The following SERINC5 variants were observed in gnomAD, a reference collection of about 807,000 sequenced individuals.
The protein encoded by SERINC5 is chromosome 5 open reading frame 12.
SERINC5 carries 41 observed loss-of-function variants against 63.1 expected under a neutral mutation model. The ratio of observed to expected loss-of-function variants is 0.65; its 90% CI spans 0.51 to 0.84. The LOEUF (loss-of-function observed/expected upper bound fraction) is 0.84, where lower values mean the gene tolerates loss of function less well. Among genes scored for constraint, SERINC5 ranks in the 40% least tolerant of loss-of-function variants. The pLI, the probability that SERINC5 is intolerant of heterozygous loss-of-function variation, is 0.00. For missense variants in SERINC5, 523 were observed against 573.0 expected (o/e 0.91, Z 0.89); for synonymous variants, 222 against 215.2 (o/e 1.03, Z -0.28).
intron 1 of SERINC5, among the ~76,000 whole-genome samples, chr5:80,255,646 A>G (rs1461385204): frequency 6.6e-6 from 1 of 152,086 alleles, no homozygotes; most frequent in Non-Finnish European, 1.5e-5. Context: ...GCCCCGCTCC[A>G]CGCGGAGTCC....
chr5:80,177,950 T>C lies in SERINC5; in HGVS notation c.310A>G (p.Ile104Val), dbSNP rs774055274. The part of the protein sequence containing the change: ...VCFGMACFFF[I>V]FCLLTLKINN... ...ATTTTCAAGGTCAGTAGACAGAAGATAAAGAAGAAACAAGCCATTCCAAAA... is the reference window on the plus strand; with the variant it reads ...ATTTTCAAGGTCAGTAGACAGAAGACAAAGAAGAAACAAGCCATTCCAAAA... Residue 104 changes from isoleucine to valine, a missense_variant, in exon 3 of 12, where the codon ATC becomes GTC. Transcript: ENST00000507668. The C allele has an allele frequency of 1.9e-6, 3 of 1,610,936 alleles. No homozygotes were observed. Among genetic ancestry groups the C allele is most frequent in the Non-Finnish European group, 2.5e-6 (3 of 1,178,760 alleles).
In SERINC5 at chr5:80,216,471, T is replaced by C. The variant is rs556537099; in HGVS notation, c.28-13418A>G. 7.2e-5 allele frequency among the ~76,000 whole-genome samples: 11 copies of C among 152,252 alleles called. No individual in the cohort carries two copies. The East Asian group carries it at 2.1e-3, about 30-fold the overall frequency. On this transcript the variant is annotated intron_variant, in intron 1 of 11. Coordinates refer to ENST00000507668, the MANE Select transcript of SERINC5 (RefSeq NM_001174072.3). ...GGCAACTTATGTGTGTGAGAAAACT[T>C]GTTGGAAAGCTAAAGCCGTCTTTAC... is the stretch of plus-strand genomic sequence containing the variant.
chr5:80,156,457 T>C (rs1746523512), intron 8 of SERINC5, among the ~76,000 whole-genome samples: 1 of 152,082 alleles, frequency 6.6e-6, no homozygotes. Flanking sequence ...CAAACATCAA[T>C]CACATGGACC....
At chr5:80,233,805 C>CCTT (rs1554071351) in intron 1 of SERINC5, among the ~76,000 whole-genome samples, 997 of 69,930 alleles carry the variant, frequency 0.014, 42 homozygotes, top group Middle Eastern at 0.074. Flanking sequence ...TCAACTTTTA[C>CCTT]TTTTTTTTTT....
chr5:80,154,121 A>G (rs1325406261), intron 8 of SERINC5, among the ~76,000 whole-genome samples: 1 of 152,116 alleles, frequency 6.6e-6, no homozygotes, highest in Admixed American at 6.6e-5. Flanking sequence ...ATAGAACCCA[A>G]AGGAGACCTG....
At chr5:80,248,624 C>CGTA (rs1226309503) in intron 1 of SERINC5, among the ~76,000 whole-genome samples, 3 of 152,168 alleles carry the variant, frequency 2.0e-5, no homozygotes, top group Non-Finnish European at 4.4e-5. Context: ...AAAACACCAC[C>CGTA]TTGACAGAAC....
chr5:80,233,185 G>A (rs1434049902), intron 1 of SERINC5, among the ~76,000 whole-genome samples: 1 of 152,174 alleles, frequency 6.6e-6, no homozygotes, highest in Non-Finnish European at 1.5e-5. Flanking sequence ...CAGCACTTTG[G>A]GAGGCCAAGG....
intron 1 of SERINC5, among the ~76,000 whole-genome samples, chr5:80,245,861 C>T (rs565992820): frequency 2.6e-5 from 4 of 151,486 alleles, no homozygotes; most frequent in African/African-American, 4.8e-5. Flanking sequence ...GTGATCCACC[C>T]GCCTCAGCCC....
intron 9 of SERINC5, among the ~76,000 whole-genome samples, chr5:80,150,231 G>C (rs112138096): frequency 3.3e-5 from 5 of 152,060 alleles, no homozygotes; most frequent in African/African-American, 1.2e-4. Flanking sequence ...GGGTGGATCA[G>C]AAGTTAAAAT....
intron 1 of SERINC5, among the ~76,000 whole-genome samples, chr5:80,235,900 C>T (rs529570959): frequency 2.2e-4 from 33 of 152,280 alleles, no homozygotes; most frequent in Non-Finnish European, 3.8e-4. Context: ...GAACACTGTG[C>T]AAATTAAGGC....
At chr5:80,239,496 G>A (rs1174079917) in intron 1 of SERINC5, among the ~76,000 whole-genome samples, 2 of 149,692 alleles carry the variant, frequency 1.3e-5, no homozygotes, top group African/African-American at 4.9e-5. Flanking sequence ...ATGTCACATG[G>A]GTAATGTACC....
At chr5:80,145,337 C>T (rs560661931) in intron 11 of SERINC5, among the ~76,000 whole-genome samples, 1 of 139,316 alleles carries the variant, frequency 7.2e-6, no homozygotes, top group Admixed American at 7.7e-5. Flanking sequence ...AGCAAGACTC[C>T]AACTAAAAAC....
intron 1 of SERINC5, among the ~76,000 whole-genome samples, chr5:80,231,752 A>G (rs1751447197): frequency 6.6e-6 from 1 of 152,330 alleles, no homozygotes; most frequent in South Asian, 2.1e-4. Flanking sequence ...GGAACTGGAT[A>G]TTCAAATGCA....
downstream of SERINC5, chr5:80,138,596 C>CA (rs1403799147): frequency 6.7e-4 from 105 of 157,278 alleles, no homozygotes; most frequent in African/African-American, 1.6e-3. Context: ...ACTCTGTCTC[C>CA]AAAAAAACAG....
chr5:80,174,877 A>G (rs911735114), intron 5 of SERINC5, 77 bp downstream of exon 5: 38 of 933,200 alleles, frequency 4.1e-5, no homozygotes, highest in Admixed American at 5.4e-5. Flanking sequence ...ATCCCTAGCA[A>G]TGCAGTTGAG....
rs768554900 is a variant in SERINC5 at position 80,150,928 on chromosome 5, G to A, written c.1007C>T (p.Ser336Leu). 3.5e-5 allele frequency: 57 copies of A among 1,613,236 alleles called. No homozygotes were observed. Among genetic ancestry groups the A allele is most frequent in the Non-Finnish European group, 4.8e-5 (57 of 1,179,326 alleles). The change falls in exon 9 of 12, where the codon TCG (serine) becomes TTG (leucine). Residue 336 changes from serine to leucine, a missense_variant. Coordinates refer to ENST00000507668, the MANE Select transcript of SERINC5 (RefSeq NM_001174072.3). ...LYSCLTSTTR[S>L]SSDALQGRYA... The stretch of plus-strand genomic sequence containing the variant: ...TCGCCCCTGCAGAGCGTCAGAACTC[G>A]ATCTTGTTGTTGATGTCAAACTAAG...
At chr5:80,155,347 C>A (rs947587060) in intron 8 of SERINC5, among the ~76,000 whole-genome samples, 1 of 152,120 alleles carries the variant, frequency 6.6e-6, no homozygotes, top group Non-Finnish European at 1.5e-5. Flanking sequence ...GGCGGATCAC[C>A]TGAGGTTGGG....
At chr5:80,160,908 A>C (rs893114793) in intron 7 of SERINC5, among the ~76,000 whole-genome samples, 3 of 151,082 alleles carry the variant, frequency 2.0e-5, no homozygotes, top group African/African-American at 7.3e-5. Context: ...TTGTGTGGAG[A>C]TAGATATATA....
intron 1 of SERINC5, among the ~76,000 whole-genome samples, chr5:80,208,531 C>A (rs904819196): frequency 6.6e-6 from 1 of 152,176 alleles, no homozygotes; most frequent in Admixed American, 6.6e-5. Flanking sequence ...GGCTGGCAAT[C>A]TCCTCCATGG....
Sources: allele counts gnomAD v4.1 joint callset (sites outside exome capture counted in the v4.1 genomes callset), GRCh38; gene constraint gnomAD v4.1.1; transcripts MANE v1.5; gene names NCBI Gene and HGNC (gene_info 2026-07-23, HGNC 2026-07-21).